The following IRAG2 variants were observed in gnomAD, a reference collection of about 807,000 sequenced individuals.
IRAG2 encodes lymphoid restricted membrane protein.
In IRAG2, 45 loss-of-function variants were observed where a neutral mutation model predicts 69.9. That is an observed-to-expected ratio of 0.64 (90% CI 0.51 to 0.83). The LOEUF (loss-of-function observed/expected upper bound fraction) is 0.83, where lower values mean the gene tolerates loss of function less well. IRAG2 is among the 40% of genes least tolerant of loss of function. The probability of loss-of-function intolerance (pLI) is 0.00; values close to 1 mark genes in which losing one functional copy is unlikely to be tolerated. For synonymous variants in IRAG2, 193 were observed against 202.4 expected (o/e 0.95, Z 0.40); for missense variants, 520 against 587.0 (o/e 0.89, Z 1.18).
chr12:25,057,092 T>C (rs1945306652), intron 1 of IRAG2, among the ~76,000 whole-genome samples: 1 of 152,080 alleles, frequency 6.6e-6, no homozygotes, highest in Non-Finnish European at 1.5e-5. Context: ...ACTCTCTTGT[T>C]TTTGTGTATT....
At position 25,101,232 on chromosome 12, in the gene IRAG2, A is replaced by G; in HGVS notation, c.796A>G (p.Lys266Glu). Residue 266 changes from lysine to glutamate, a missense_variant, in exon 16 of 22, where the codon AAG (lysine) becomes GAG (glutamate). Physicochemically the swap from Lys to Glu is moderately conservative, Grantham distance 56. Transcript: ENST00000556887. ...EVMIQHVENL[K>E]RMYAKEHAEL... is the part of the protein sequence containing the mutation. The stretch of plus-strand genomic sequence containing the variant: ...GATGATTCAGCACGTAGAAAACTTG[A>G]AGAGGATGTATGCCAAAGAGCACGC... The G allele has an allele frequency of 6.2e-7, 1 of 1,612,950 alleles. No homozygotes were observed. The highest frequency in any genetic ancestry group is 8.5e-7 in the Non-Finnish European group (1 of 1,179,340).
intron 13 of IRAG2, among the ~76,000 whole-genome samples, chr12:25,034,529 A>G (rs1048910560): frequency 1.3e-5 from 2 of 152,224 alleles, no homozygotes; most frequent in African/African-American, 4.8e-5. Context: ...ACTTTATAAC[A>G]TGGGAAGAAA....
rs190284403 is a variant in IRAG2 at position 25,036,272 on chromosome 12, T to C, written c.1879-313T>C. On this transcript the variant is annotated intron_variant, in intron 14 of 38. Transcript: ENST00000636465. The stretch of plus-strand genomic sequence containing the variant: ...GTACATTTTGGTACATTTTACATTT[T>C]GTACATTTTGGTACATTTTAGAACG... Among the ~76,000 whole-genome samples the C allele has an allele frequency of 4.1e-4, 62 of 151,754 alleles. No homozygotes were observed. In the East Asian group the frequency reaches 0.01, roughly 25 times the overall value.
upstream of IRAG2, among the ~76,000 whole-genome samples, chr12:24,999,780 A>G (rs963444826): frequency 1.6e-4 from 25 of 151,960 alleles, no homozygotes; most frequent in African/African-American, 6.0e-4. Flanking sequence ...TGACTATGTA[A>G]TTATTTATTT....
intron 16 of IRAG2, among the ~76,000 whole-genome samples, chr12:25,039,410 G>A (rs190697901): frequency 1.7e-4 from 26 of 152,274 alleles, no homozygotes; most frequent in Non-Finnish European, 3.5e-4. Flanking sequence ...CACAGATACC[G>A]TCTCCACAAA....
chr12:25,058,283 C>T (rs1456702351), intron 1 of IRAG2, among the ~76,000 whole-genome samples: 1 of 152,164 alleles, frequency 6.6e-6, no homozygotes, highest in Non-Finnish European at 1.5e-5. Context: ...ATTTTAGCCA[C>T]TCTACTAAAT....
chr12:25,005,144 T>C, intron 1 of IRAG2: 1 of 563,726 alleles, frequency 1.8e-6, no homozygotes, highest in East Asian at 3.5e-5. Context: ...GGCTGTTTAT[T>C]ATGATAGGTT....
intron 6 of IRAG2, among the ~76,000 whole-genome samples, chr12:25,073,684 G>A (rs1946476398): frequency 6.6e-6 from 1 of 152,206 alleles, no homozygotes; most frequent in Non-Finnish European, 1.5e-5. Flanking sequence ...GGACATTCTT[G>A]AGGAAGAAAG....
chr12:25,104,829 C>T lies in IRAG2; in HGVS notation c.1148+367C>T, dbSNP rs916615751. On this transcript the variant is annotated intron_variant, in intron 20 of 21. Transcript: ENST00000556887. ...ATTTTTAAAAACATGAGATATATAA[C>T]GTACGTATTATATAACATATAGGCA... Among the ~76,000 whole-genome samples, 8 of 151,990 alleles carry T rather than the reference C, an allele frequency of 5.3e-5. 2 individuals are homozygous for T. The highest frequency in any genetic ancestry group is 2.1e-4 in the South Asian group (1 of 4,814).
In IRAG2 at chr12:25,083,492, TG is replaced by T; in HGVS notation, c.315+1del. The T allele has an allele frequency of 6.3e-7, 1 of 1,586,966 alleles. No homozygotes were observed. Among genetic ancestry groups the T allele is most frequent in the Non-Finnish European group, 8.7e-7 (1 of 1,155,534 alleles). ...AGTAAGGATAAAACCATATTAAATC[TG>T]GTAAGGAAATACGTATGTTCACAAC... ...STSKDKTILN[L>X]EAKEEPETIE... On this transcript the variant is annotated frameshift_variant and splice_region_variant, in exon 10 of 22. Transcript: ENST00000556887. LOFTEE classifies it high-confidence loss of function.
At position 25,089,617 on chromosome 12, in the gene IRAG2, C is replaced by G. The variant is rs187118620; in HGVS notation, c.377C>G (p.Ser126Cys). 2.5e-6 allele frequency: 4 copies of G among 1,579,906 alleles called. No homozygotes were observed. In the South Asian group the frequency reaches 4.5e-5, roughly 18 times the overall value. The stretch of plus-strand genomic sequence containing the variant: ...ATATTTTATTATATTTTAATAGACT[C>G]TGTGGTTTCCCCTCTTCCTGTAACC... ...EHKKEHASGDSVVSPLPVTTV... is the reference protein window; with the variant it reads ...EHKKEHASGDCVVSPLPVTTV... Residue 126 changes from serine to cysteine, a missense_variant, in exon 12 of 22, where the codon TCT becomes TGT. Ser to Cys is a moderately radical substitution (Grantham distance 112, BLOSUM62 -1). Coordinates refer to ENST00000556887, the MANE Select transcript of IRAG2 (RefSeq NM_001366544.2).
chr12:25,003,890 G>A (rs1245090552), upstream of IRAG2, among the ~76,000 whole-genome samples: 1 of 152,194 alleles, frequency 6.6e-6, no homozygotes, highest in Non-Finnish European at 1.5e-5. Flanking sequence ...TAGCATCATT[G>A]TCACCTGCCC....
intron 6 of IRAG2, 105 bp from the exon 7 acceptor site, chr12:25,079,139 A>T (rs1481754689): frequency 9.0e-7 from 1 of 1,113,594 alleles, no homozygotes; most frequent in East Asian, 2.3e-5. Context: ...AGCTGAGTAA[A>T]TATGGGTTCA....
At chr12:25,050,301 C>G (rs1272391606), upstream of IRAG2, among the ~76,000 whole-genome samples, 1 of 151,600 alleles carries the variant, frequency 6.6e-6, no homozygotes, top group African/African-American at 2.4e-5. Context: ...GAGGCCGAGA[C>G]AGGCGGATCT....
chr12:25,063,679 C>T (rs1383965283), intron 3 of IRAG2, 41 bp from the exon 4 acceptor site: 5 of 397,138 alleles, frequency 1.3e-5, no homozygotes, highest in Non-Finnish European at 2.2e-5. Context: ...ATATATGTTA[C>T]ATTCCTTTAG....
At chr12:25,049,463 T>C (rs931012503), upstream of IRAG2, among the ~76,000 whole-genome samples, 3 of 152,156 alleles carry the variant, frequency 2.0e-5, no homozygotes, top group African/African-American at 4.8e-5. Context: ...CCTTCACTTA[T>C]GGGGTTAATA....
At chr12:25,077,810 C>T (rs192577343) in intron 6 of IRAG2, among the ~76,000 whole-genome samples, 1 of 152,004 alleles carries the variant, frequency 6.6e-6, no homozygotes, top group Admixed American at 6.6e-5. Flanking sequence ...AAGGCAGAAA[C>T]AAAATGAAGT....
intron 10 of IRAG2, among the ~76,000 whole-genome samples, chr12:25,087,746 C>A (rs1264975463): frequency 1.3e-5 from 2 of 152,060 alleles, no homozygotes; most frequent in Admixed American, 6.6e-5. Flanking sequence ...GAGCGGCAGG[C>A]CAGGGAACAT....
chr12:25,069,251 G>T (rs1027371649), intron 5 of IRAG2, 99 bp from the exon 6 acceptor site: 4 of 534,866 alleles, frequency 7.5e-6, no homozygotes, highest in African/African-American at 1.9e-5. Context: ...ATAAAATTAG[G>T]ACTGGGCGTA....
Sources: gnomAD v4.1 joint callset for allele counts (sites outside exome capture counted in the v4.1 genomes callset) on GRCh38, gnomAD v4.1.1 for gene constraint, MANE v1.5 for transcripts, NCBI Gene and HGNC (gene_info 2026-07-23, HGNC 2026-07-21) for gene names.